MEA1: variants seen among roughly 807,000 people sequenced by gnomAD.
The protein encoded by MEA1 is Male-enhanced antigen (H-Y structural gene).
In MEA1, 22 loss-of-function variants were observed where a neutral mutation model predicts 21.4. That is an observed-to-expected ratio of 1.03 (90% CI 0.73 to 1.47). MEA1 has a LOEUF of 1.47. Ranked by LOEUF, MEA1 falls within the 40% of genes most tolerant of loss-of-function variation. MEA1 has a pLI of 0.00. For missense variants in MEA1, 233 were observed against 230.5 expected (o/e 1.01, Z -0.07); for synonymous variants, 91 against 85.5 (o/e 1.06, Z -0.35).
upstream of MEA1, chr6:43,014,149 C>G: frequency 7.1e-7 from 1 of 1,414,578 alleles, no homozygotes; most frequent in Non-Finnish European, 9.2e-7. Flanking sequence ...TCTCGTCCCT[C>G]AGGAAACGTA....
At position 43,012,212 on chromosome 6, in the gene MEA1, C is replaced by A; in HGVS notation, c.*258G>T. ...GAAGGCCGGACCCAGGTTCCAGGGG[C>A]GCAGGCAGTGCGGCTTTTGGCTGTG... On this transcript the variant is annotated 3_prime_UTR_variant, in exon 4 of 4. Coordinates refer to ENST00000244711, the MANE Select transcript of MEA1 (RefSeq NM_014623.4). 1 of 1,173,676 alleles carries A rather than the reference C, an allele frequency of 8.5e-7. No homozygotes were observed. Among genetic ancestry groups the A allele is most frequent in the Non-Finnish European group, 1.1e-6 (1 of 949,868 alleles). 72.7% of individuals were successfully genotyped at this position (1,173,676 alleles called of 1,614,324 possible). A position where few individuals can be genotyped will look rare whatever the true frequency, so the allele number is the denominator to read the frequency against.
chr6:43,012,175 C>A lies in MEA1; in HGVS notation c.*295G>T. The A allele has an allele frequency of 9.0e-7, 1 of 1,109,532 alleles. No homozygotes were observed. The highest frequency in any genetic ancestry group is 1.1e-6 in the Non-Finnish European group (1 of 909,628). The allele number at this position is 1,109,532 out of a possible 1,614,324, so 68.7% of individuals were successfully genotyped here. A position where few individuals can be genotyped will look rare whatever the true frequency, so the allele number is the denominator to read the frequency against. ...GTCCCTTATAGGTACCTTGGAGGGG[C>A]CAGGGGCTGAGGAAGGCCGGACCCA... On this transcript the variant is annotated 3_prime_UTR_variant, in exon 4 of 4. Coordinates refer to ENST00000244711, the MANE Select transcript of MEA1 (RefSeq NM_014623.4).
Position 43,011,404 on chromosome 6 carries a change from CAAGG to C in MEA1, c.*1062_*1065del. 1 of 1,377,362 alleles carries C rather than the reference CAAGG, an allele frequency of 7.3e-7. No individual in the cohort carries two copies. The allele number at this position is 1,377,362 out of a possible 1,614,324, so 85.3% of individuals were successfully genotyped here. On this transcript the variant is annotated 3_prime_UTR_variant, in exon 4 of 4. Transcript: ENST00000244711. ...GGAAGGCAGCGCCTCTCTAGCTACT[CAAGG>C]GAGGGGGATGTGGGCACTTGAAGCA...
Position 43,013,873 on chromosome 6 carries a change from G to A in MEA1, c.-60C>T. On this transcript the variant is annotated 5_prime_UTR_variant, in exon 1 of 4. Transcript: ENST00000244711. ...CCCACCCGCCCCCATCCGAATCCCG[G>A]CGCCGGTGTTCCCGCGCGCCTCACC... 1.3e-6 allele frequency: 2 copies of A among 1,508,302 alleles called. No individual in the cohort carries two copies. Among genetic ancestry groups the A allele is most frequent in the Non-Finnish European group, 1.8e-6 (2 of 1,128,864 alleles). The allele number at this position is 1,508,302 out of a possible 1,614,324, so 93.4% of individuals were successfully genotyped here. A position where few individuals can be genotyped will look rare whatever the true frequency, so the allele number is the denominator to read the frequency against.
upstream of MEA1, among the ~76,000 whole-genome samples, chr6:43,015,190 T>C (rs901153793): frequency 6.6e-6 from 1 of 152,012 alleles, no homozygotes; most frequent in African/African-American, 2.4e-5. Flanking sequence ...AGACCCAAGA[T>C]ATTTTGGAGA....
chr6:43,014,107 T>A, upstream of MEA1: 8 of 1,414,530 alleles, frequency 5.7e-6, no homozygotes, highest in Non-Finnish European at 7.4e-6. Flanking sequence ...ATGCGCAGAA[T>A]CTCTCCTACG....
Position 43,011,272 on chromosome 6 carries a change from C to T in MEA1, c.*1198G>A. 1 of 1,613,934 alleles carries T rather than the reference C, an allele frequency of 6.2e-7. No homozygotes were observed. Among genetic ancestry groups the T allele is most frequent in the Non-Finnish European group, 8.5e-7 (1 of 1,179,976 alleles). On this transcript the variant is annotated 3_prime_UTR_variant, in exon 4 of 4. Coordinates refer to ENST00000244711, the MANE Select transcript of MEA1 (RefSeq NM_014623.4). ...GGCGGAAGAGTTCCTAACTGCCAGC[C>T]AGGAGGCTCTCTGACCCCTCACGTT... is the stretch of plus-strand genomic sequence containing the variant.
chr6:43,014,838 G>T (rs1762522720), upstream of MEA1, among the ~76,000 whole-genome samples: 1 of 152,146 alleles, frequency 6.6e-6, no homozygotes, highest in Non-Finnish European at 1.5e-5. Context: ...ATCAAGAAGG[G>T]CGAGAAATGG....
upstream of MEA1, among the ~76,000 whole-genome samples, chr6:43,015,895 A>ATCTTTC (rs1318012698): frequency 7.0e-6 from 1 of 143,770 alleles, no homozygotes; most frequent in Admixed American, 6.9e-5. Flanking sequence ...CTCATGCTGG[A>ATCTTTC]TCTTTCTCTT....
rs964734455 is a variant in MEA1, at chr6:43,011,592, A to G, written c.*878T>C. ...ACAGCTACCTGAGGCTGCTCTGAGA[A>G]GTACACACAGGAATACATACGCTCC... On this transcript the variant is annotated 3_prime_UTR_variant, in exon 4 of 4. Coordinates refer to ENST00000244711, the MANE Select transcript of MEA1 (RefSeq NM_014623.4). The G allele has an allele frequency of 8.8e-6, 4 of 455,376 alleles. No homozygotes were observed. The highest frequency in any genetic ancestry group is 3.7e-5 in the Admixed American group (1 of 27,176). The allele number at this position is 455,376 out of a possible 1,614,324, so 28.2% of individuals were successfully genotyped here.
rs1409597984 is a variant in MEA1, at chr6:43,013,870, C to G, written c.-57G>C. ...TCCCCCACCCGCCCCCATCCGAATC[C>G]CGGCGCCGGTGTTCCCGCGCGCCTC... On this transcript the variant is annotated 5_prime_UTR_variant, in exon 1 of 4. Coordinates refer to ENST00000244711, the MANE Select transcript of MEA1 (RefSeq NM_014623.4). 3.9e-6 allele frequency: 6 copies of G among 1,519,926 alleles called. No homozygotes were observed. The highest frequency in any genetic ancestry group is 2.2e-4 in the Middle Eastern group (1 of 4,472). The allele number at this position is 1,519,926 out of a possible 1,614,324, so 94.2% of individuals were successfully genotyped here. A position where few individuals can be genotyped will look rare whatever the true frequency, so the allele number is the denominator to read the frequency against.
Position 43,013,278 on chromosome 6 carries a change from C to G in MEA1, c.140G>C (p.Gly47Ala). Residue 47 changes from glycine to alanine, a missense_variant, in exon 2 of 4, where the codon GGG becomes GCG. Transcript: ENST00000244711. ...LGHQGPSEGT[G>A]DWSSEEPEEE... Reference sequence around the variant, plus strand: ...CTCAGGCTCCTCACTGCTCCAATCCCCAGTGCCTTCTGAAGGGCCCTGATG... The same window carrying G: ...CTCAGGCTCCTCACTGCTCCAATCCGCAGTGCCTTCTGAAGGGCCCTGATG... The G allele has an allele frequency of 1.2e-6, 2 of 1,614,180 alleles. No homozygotes were observed. Among genetic ancestry groups the G allele is most frequent in the Non-Finnish European group, 1.7e-6 (2 of 1,180,026 alleles).
At chr6:43,014,272 C>G (rs1251150245), upstream of MEA1, 1 of 834,000 alleles carries the variant, frequency 1.2e-6, no homozygotes, top group Non-Finnish European at 1.8e-6. Context: ...GGGACTAAGG[C>G]GTCGGTTGGC....
At position 43,013,048 on chromosome 6, in the gene MEA1, C is replaced by T. The variant is rs765732296; in HGVS notation, c.304-20G>A. On this transcript the variant is annotated intron_variant, in intron 2 of 3. Transcript: ENST00000244711. ...CAGGGCCTGCAGAGCCACAGAAGAC[C>T]GTTTGGGTCTAGGCTTTCAGGGAGC... The T allele has an allele frequency of 2.3e-5, 37 of 1,613,996 alleles. No individual in the cohort carries two copies. The highest frequency in any genetic ancestry group is 2.7e-5 in the Non-Finnish European group (32 of 1,179,960).
At chr6:43,014,262 G>C, upstream of MEA1, 2 of 921,622 alleles carry the variant, frequency 2.2e-6, no homozygotes, top group Non-Finnish European at 3.2e-6. Context: ...TATCTCGTTG[G>C]GGACTAAGGC....
Position 43,013,831 on chromosome 6 carries a change from C to G in MEA1, c.-18G>C. 6.3e-7 allele frequency: 1 copy of G among 1,597,832 alleles called. No homozygotes were observed. On this transcript the variant is annotated 5_prime_UTR_variant, in exon 1 of 4. Transcript: ENST00000244711. ...GGCCCCATGGGCTCCCCTCAAATGGCCCCAGCTGCAGCGTCCCCCACCCGC... is the reference window on the plus strand; with the variant it reads ...GGCCCCATGGGCTCCCCTCAAATGGGCCCAGCTGCAGCGTCCCCCACCCGC...
At position 43,011,462 on chromosome 6, in the gene MEA1, C is replaced by T; in HGVS notation, c.*1008G>A. ...ACACCCACAGAATGGTCCCTCTTCT[C>T]CCCAAAAGGTGTTCATGCCTCCCTG... On this transcript the variant is annotated 3_prime_UTR_variant, in exon 4 of 4. Coordinates refer to ENST00000244711, the MANE Select transcript of MEA1 (RefSeq NM_014623.4). 1.2e-6 allele frequency: 1 copy of T among 838,002 alleles called. No individual in the cohort carries two copies. 51.9% of individuals were successfully genotyped at this position (838,002 alleles called of 1,614,324 possible).
At chr6:43,015,084 C>T (rs898249023), upstream of MEA1, among the ~76,000 whole-genome samples, 1 of 152,068 alleles carries the variant, frequency 6.6e-6, no homozygotes, top group Non-Finnish European at 1.5e-5. Flanking sequence ...TTTTACTTTA[C>T]CTTGACATAT....
chr6:43,013,399 C>A lies in MEA1; in HGVS notation c.29-10G>T. ...GCCATCCGGGCAGGGGCTGCAAGAA[C>A]AGGGAGGCGGTAGGACAGGGATCGG... On this transcript the variant is annotated splice_polypyrimidine_tract_variant and intron_variant, in intron 1 of 3. Coordinates refer to ENST00000244711, the MANE Select transcript of MEA1 (RefSeq NM_014623.4). The A allele has an allele frequency of 6.2e-7, 1 of 1,610,738 alleles. No homozygotes were observed. The highest frequency in any genetic ancestry group is 8.5e-7 in the Non-Finnish European group (1 of 1,178,824).
Sources: gnomAD v4.1 joint callset for allele counts (sites outside exome capture counted in the v4.1 genomes callset) on GRCh38, gnomAD v4.1.1 for gene constraint, MANE v1.5 for transcripts, NCBI Gene and HGNC (gene_info 2026-07-23, HGNC 2026-07-21) for gene names.